The following VPS13C variants were observed in gnomAD, a reference collection of about 807,000 sequenced individuals.
VPS13C encodes the protein vacuolar protein sorting 13 homolog C, also known as intermembrane lipid transfer protein VPS13C.
A neutral mutation model predicts 456.8 loss-of-function variants in VPS13C; 358 were observed. That is an observed-to-expected ratio of 0.78 (90% CI 0.72 to 0.86). The LOEUF (loss-of-function observed/expected upper bound fraction) is 0.86. VPS13C is among the 40% of genes least tolerant of loss of function. The pLI, the probability that VPS13C is intolerant of heterozygous loss-of-function variation, is 0.00. For synonymous variants in VPS13C, 1,578 were observed against 1,486.7 expected (o/e 1.06, Z -1.41); for missense variants, 4,818 against 4,385.4 (o/e 1.10, Z -2.79).
chr15:61,965,000 T>C, intron 30 of VPS13C, 139 bp from the exon 31 acceptor site: 1 of 764,178 alleles, frequency 1.3e-6, no homozygotes, highest in South Asian at 2.2e-5. Flanking sequence ...AAGTGGAAGA[T>C]TCACAATCCC....
chr15:61,897,245 G>A (rs1020213695), intron 66 of VPS13C, among the ~76,000 whole-genome samples: 2 of 152,204 alleles, frequency 1.3e-5, no homozygotes, highest in African/African-American at 2.4e-5. Context: ...GAACAAAGCT[G>A]GATGGAGAAT....
At chr15:62,002,370 G>A (rs1233764371) in intron 15 of VPS13C, among the ~76,000 whole-genome samples, 1 of 152,018 alleles carries the variant, frequency 6.6e-6, no homozygotes, top group Non-Finnish European at 1.5e-5. Flanking sequence ...GGGGTTGTTT[G>A]TTTTTTTCTT....
chr15:62,058,466 AT>A (rs1269257525), intron 1 of VPS13C, among the ~76,000 whole-genome samples: 6 of 152,334 alleles, frequency 3.9e-5, no homozygotes, highest in African/African-American at 1.4e-4. Context: ...GGGGGAAAAA[AT>A]AAAAAGTATC....
chr15:61,971,559 C>A (rs1186410734), intron 27 of VPS13C, among the ~76,000 whole-genome samples: 5 of 152,174 alleles, frequency 3.3e-5, no homozygotes, highest in Non-Finnish European at 7.3e-5. Flanking sequence ...CCATGCCCGG[C>A]CTGACATTCA....
chr15:62,000,505 G>A, intron 16 of VPS13C, 59 bp downstream of exon 16: 1 of 1,473,208 alleles, frequency 6.8e-7, no homozygotes, highest in Non-Finnish European at 9.3e-7. Flanking sequence ...CTTGATCCTA[G>A]GTTTAAAAGC....
chr15:61,939,764 G>A (rs1471179183), intron 47 of VPS13C, among the ~76,000 whole-genome samples: 1 of 152,202 alleles, frequency 6.6e-6, no homozygotes, highest in Non-Finnish European at 1.5e-5. Flanking sequence ...GGAGGCCGAG[G>A]AGGGTGGATC....
intron 1 of VPS13C, among the ~76,000 whole-genome samples, chr15:62,046,607 C>A (rs1011560787): frequency 6.6e-6 from 1 of 152,170 alleles, no homozygotes; most frequent in African/African-American, 2.4e-5. Flanking sequence ...TGTGACTGTT[C>A]TACCTAGTCA....
chr15:61,868,204 TAAGGTTTAAC>T (rs1894728263), intron 81 of VPS13C, among the ~76,000 whole-genome samples: 2 of 152,236 alleles, frequency 1.3e-5, no homozygotes, highest in South Asian at 4.1e-4. Flanking sequence ...AAATTTTTTT[TAAGGTTTAAC>T]AAGATCATAA....
At chr15:62,015,335 C>G (rs1049718591) in intron 9 of VPS13C, among the ~76,000 whole-genome samples, 3 of 152,046 alleles carry the variant, frequency 2.0e-5, no homozygotes, top group African/African-American at 4.8e-5. Context: ...GTTTCTTTTG[C>G]TGTGCAGAAG....
Position 61,972,916 on chromosome 15 carries a change from C to T in VPS13C, c.2618-152G>A, listed in dbSNP as rs2045598458. 5.5e-6 allele frequency: 4 copies of T among 730,236 alleles called. No homozygotes were observed. In the Admixed American group the frequency reaches 1.2e-4, roughly 22 times the overall value. 45.2% of individuals were successfully genotyped at this position (730,236 alleles called of 1,614,324 possible). ...ATAGCTGCCTTTTTTAAACTTCTAC[C>T]AAGTGACTCAACCTGCCATGTAATA... is the stretch of plus-strand genomic sequence containing the variant. On this transcript the variant is annotated intron_variant, in intron 26 of 84. Coordinates refer to ENST00000644861, the MANE Select transcript of VPS13C (RefSeq NM_020821.3).
chr15:61,884,067 C>T (rs1896081516), intron 68 of VPS13C, 61 bp downstream of exon 68: 8 of 1,483,062 alleles, frequency 5.4e-6, no homozygotes, highest in East Asian at 2.3e-5. Flanking sequence ...TACAATTTTA[C>T]TTACTACCAC....
At chr15:61,991,161 C>A in intron 17 of VPS13C, 67 bp from the exon 18 acceptor site, 2 of 1,211,748 alleles carry the variant, frequency 1.7e-6, no homozygotes, top group Non-Finnish European at 2.4e-6. Flanking sequence ...AAAAGACTAA[C>A]CAAACTAACA....
At chr15:62,015,173 T>C (rs1055439887) in intron 9 of VPS13C, among the ~76,000 whole-genome samples, 2 of 152,188 alleles carry the variant, frequency 1.3e-5, no homozygotes, top group Admixed American at 1.3e-4. Flanking sequence ...AACAATTCTC[T>C]CTCTATCCTT....
intron 66 of VPS13C, among the ~76,000 whole-genome samples, chr15:61,899,763 G>A (rs1035483593): frequency 2.6e-5 from 4 of 151,874 alleles, no homozygotes; most frequent in Non-Finnish European, 5.9e-5. Context: ...CTTATTTTAT[G>A]AGACCAGCAT....
intron 69 of VPS13C, 126 bp downstream of exon 69, chr15:61,882,470 G>A: frequency 1.0e-6 from 1 of 987,124 alleles, no homozygotes; most frequent in Non-Finnish European, 1.3e-6. Flanking sequence ...TGGAAAAAGG[G>A]GAAAAAACAT....
chr15:61,956,847 G>A (rs565413080), intron 37 of VPS13C, among the ~76,000 whole-genome samples: 1 of 152,100 alleles, frequency 6.6e-6, no homozygotes, highest in Non-Finnish European at 1.5e-5. Flanking sequence ...ATTGCTGCTA[G>A]GAAAGTAAAT....
chr15:62,020,190 A>G (rs2047409998), intron 9 of VPS13C, among the ~76,000 whole-genome samples: 1 of 151,826 alleles, frequency 6.6e-6, no homozygotes, highest in Admixed American at 6.6e-5. Flanking sequence ...ACTCTACAGA[A>G]ATTCATCTTC....
At chr15:61,995,774 A>G (rs777692328) in intron 16 of VPS13C, among the ~76,000 whole-genome samples, 22 of 152,176 alleles carry the variant, frequency 1.4e-4, no homozygotes, top group Non-Finnish European at 2.8e-4. Context: ...CCAAACCAAC[A>G]TCTTGCAATA....
At chr15:61,995,364 T>A (rs2046349357) in intron 16 of VPS13C, among the ~76,000 whole-genome samples, 2 of 152,232 alleles carry the variant, frequency 1.3e-5, no homozygotes, top group South Asian at 4.1e-4. Flanking sequence ...TCTCACATGT[T>A]GTGCCCACCC....
Sources: gnomAD v4.1 joint callset for allele counts (sites outside exome capture counted in the v4.1 genomes callset) on GRCh38, gnomAD v4.1.1 for gene constraint, MANE v1.5 for transcripts, NCBI Gene and HGNC (gene_info 2026-07-23, HGNC 2026-07-21) for gene names.